Variants in TMC1 observed in about 807,000 individuals in gnomAD.
TMC1 encodes transmembrane channel like 1.
A neutral mutation model predicts 105.8 loss-of-function variants in TMC1; 84 were observed. That is an observed-to-expected ratio of 0.79 (90% CI 0.67 to 0.95). TMC1 has a LOEUF of 0.95. Among genes scored for constraint, TMC1 ranks in the 40% least tolerant of loss-of-function variants. TMC1 has a pLI of 0.00. For missense variants in TMC1, 817 were observed against 914.1 expected, an observed-to-expected ratio of 0.89 and a Z score of 1.37; for synonymous variants, 315 against 311.5, an observed-to-expected ratio of 1.01 and a Z score of -0.12.
At chr9:72,812,895 C>T (rs1336369518) in intron 18 of TMC1, among the ~76,000 whole-genome samples, 1 of 152,220 alleles carries the variant, frequency 6.6e-6, no homozygotes, top group African/African-American at 2.4e-5. Flanking sequence ...TCTTCCCAGG[C>T]TTTTTCTTTG....
intron 2 of TMC1, among the ~76,000 whole-genome samples, chr9:72,613,213 C>A (rs1032328487): frequency 1.3e-5 from 2 of 150,554 alleles, no homozygotes; most frequent in Non-Finnish European, 2.9e-5. Flanking sequence ...CTCACTGCAA[C>A]CTCCGCCTCC....
chr9:72,730,066 T>C (rs935866423), intron 8 of TMC1, among the ~76,000 whole-genome samples: 2 of 152,182 alleles, frequency 1.3e-5, no homozygotes, highest in African/African-American at 2.4e-5. Flanking sequence ...AGATAAAATA[T>C]ATATATTTTG....
At chr9:72,793,338 A>G (rs1828308112) in intron 17 of TMC1, among the ~76,000 whole-genome samples, 3 of 152,096 alleles carry the variant, frequency 2.0e-5, no homozygotes, top group African/African-American at 7.2e-5. Flanking sequence ...CCAGCCAGTT[A>G]CCGGTAGAAA....
At chr9:72,722,622 C>T (rs1827046726) in intron 8 of TMC1, among the ~76,000 whole-genome samples, 3 of 152,170 alleles carry the variant, frequency 2.0e-5, no homozygotes, top group South Asian at 4.1e-4. Flanking sequence ...TTTATTGTCT[C>T]AAGTACTAGC....
At chr9:72,685,328 G>A (rs940064328) in intron 5 of TMC1, among the ~76,000 whole-genome samples, 15 of 147,118 alleles carry the variant, frequency 1.0e-4, no homozygotes, top group Admixed American at 7.5e-4. Context: ...GGATGGTCTC[G>A]ATCTCCTGAC....
chr9:72,630,157 C>T (rs1310780408), intron 4 of TMC1, among the ~76,000 whole-genome samples: 1 of 152,110 alleles, frequency 6.6e-6, no homozygotes, highest in African/African-American at 2.4e-5. Context: ...TGAGCTACCA[C>T]GCCTGGCCTG....
intron 8 of TMC1, among the ~76,000 whole-genome samples, chr9:72,736,548 T>C (rs937878074): frequency 2.0e-5 from 3 of 152,232 alleles, no homozygotes; most frequent in African/African-American, 7.2e-5. Flanking sequence ...TGGATGTCTT[T>C]TAAATTATCT....
intron 7 of TMC1, among the ~76,000 whole-genome samples, chr9:72,699,550 A>G (rs1473541230): frequency 6.6e-6 from 1 of 152,150 alleles, no homozygotes; most frequent in African/African-American, 2.4e-5. Context: ...CGAAATGTAG[A>G]ATTGAGGGAA....
chr9:72,526,804 A>G (rs1242206305), intron 1 of TMC1, among the ~76,000 whole-genome samples: 1 of 152,182 alleles, frequency 6.6e-6, no homozygotes, highest in Non-Finnish European at 1.5e-5. Flanking sequence ...GCAGAGGGTC[A>G]GGCTTGGAGA....
chr9:72,712,300 G>C (rs1367427459), intron 8 of TMC1, among the ~76,000 whole-genome samples: 1 of 152,060 alleles, frequency 6.6e-6, no homozygotes, highest in African/African-American at 2.4e-5. Context: ...TTTCAAGTCT[G>C]TGAAGAAAGT....
In TMC1 at chr9:72,751,903, G is replaced by A. The variant is rs753687760; in HGVS notation, c.589G>A (p.Gly197Arg). 3 of 1,613,628 alleles carry A rather than the reference G, an allele frequency of 1.9e-6. No homozygotes were observed. The highest frequency in any genetic ancestry group is 1.7e-4 in the Middle Eastern group (1 of 6,058). ...CTTCCTCTTCTTGAGATGGATGTAT[G>A]GAGTCAATATGGTTCTCTTTATCCT... ...SYFLFLRWMYGVNMVLFILTF... is the reference protein window; with the variant it reads ...SYFLFLRWMYRVNMVLFILTF... The change falls in exon 11 of 24, where the codon GGA (glycine) becomes AGA (arginine). Residue 197 changes from glycine to arginine, a missense_variant. Gly to Arg is a moderately radical substitution (Grantham distance 125). Coordinates refer to ENST00000297784, the MANE Select transcript of TMC1 (RefSeq NM_138691.3).
At chr9:72,610,236 G>A (rs1472229747) in intron 2 of TMC1, among the ~76,000 whole-genome samples, 1 of 152,110 alleles carries the variant, frequency 6.6e-6, no homozygotes, top group Non-Finnish European at 1.5e-5. Context: ...CTTAAAAGAA[G>A]ATTATATTAG....
At chr9:72,608,517 G>A (rs1275267812) in intron 2 of TMC1, among the ~76,000 whole-genome samples, 2 of 152,070 alleles carry the variant, frequency 1.3e-5, no homozygotes, top group Admixed American at 1.3e-4. Flanking sequence ...GACCAGCCTG[G>A]CCAACATGAT....
chr9:72,554,459 C>A (rs913924424), intron 1 of TMC1, among the ~76,000 whole-genome samples: 1 of 152,066 alleles, frequency 6.6e-6, no homozygotes, highest in South Asian at 2.1e-4. Context: ...AAAGACAGAA[C>A]GCTGGAAATA....
chr9:72,668,739 C>T (rs938784838), intron 5 of TMC1, among the ~76,000 whole-genome samples: 1 of 152,124 alleles, frequency 6.6e-6, no homozygotes, highest in African/African-American at 2.4e-5. Flanking sequence ...TTTCCTAATA[C>T]TGTGGGATTA....
intron 1 of TMC1, among the ~76,000 whole-genome samples, chr9:72,528,324 A>G (rs1056740108): frequency 3.3e-5 from 5 of 151,514 alleles, no homozygotes; most frequent in African/African-American, 1.2e-4. Context: ...CTTATAAACC[A>G]TAAGTTCATG....
At chr9:72,673,337 A>C (rs1826153379) in intron 5 of TMC1, among the ~76,000 whole-genome samples, 1 of 152,146 alleles carries the variant, frequency 6.6e-6, no homozygotes, top group South Asian at 2.1e-4. Context: ...GAAGAAAGTA[A>C]GTATTAAAGA....
At chr9:72,544,339 A>ACCCCAGATACTC (rs71357581) in intron 1 of TMC1, among the ~76,000 whole-genome samples, 2 of 151,798 alleles carry the variant, frequency 1.3e-5, no homozygotes, top group East Asian at 3.9e-4. Context: ...CTCAAGGTAT[A>ACCCCAGATACTC]TCCACTTCAC....
chr9:72,603,869 T>C (rs954814426), intron 2 of TMC1, among the ~76,000 whole-genome samples: 34 of 141,972 alleles, frequency 2.4e-4, no homozygotes, highest in African/African-American at 7.4e-4. Context: ...TTTTTTTTTT[T>C]TTTTTTTCTT....
Sources: gnomAD v4.1 joint callset for allele counts (sites outside exome capture counted in the v4.1 genomes callset) on GRCh38, gnomAD v4.1.1 for gene constraint, MANE v1.5 for transcripts, NCBI Gene and HGNC (gene_info 2026-07-23, HGNC 2026-07-21) for gene names.